The following NRG3 variants were observed in gnomAD, a reference collection of about 807,000 sequenced individuals.
The protein encoded by NRG3 is pro-neuregulin-3, membrane-bound isoform.
Under a neutral mutation model 66.9 loss-of-function variants are expected in NRG3, and 31 were observed. The ratio of observed to expected loss-of-function variants is 0.46; its 90% confidence interval spans 0.35 to 0.63. The LOEUF (loss-of-function observed/expected upper bound fraction) is 0.63, where lower values mean the gene tolerates loss of function less well. NRG3 is among the 20% of genes least tolerant of loss of function. NRG3 has a pLI of 0.00. For synonymous variants in NRG3, 393 were observed against 359.4 expected, an observed-to-expected ratio of 1.09 and a Z score of -1.06; for missense variants, 910 against 878.9, an observed-to-expected ratio of 1.04 and a Z score of -0.45.
intron 2 of NRG3, among the ~76,000 whole-genome samples, chr10:82,403,049 C>A (rs1283817397): frequency 6.6e-6 from 1 of 152,044 alleles, no homozygotes; most frequent in East Asian, 1.9e-4. Flanking sequence ...AGGATGAGGT[C>A]AAGAATGAGT....
rs1312204168 is a variant in NRG3 at position 82,895,788 on chromosome 10, A to G, written c.1054+30351A>G. Among the ~76,000 whole-genome samples, 7 of 152,174 alleles carry G rather than the reference A, an allele frequency of 4.6e-5. No individual in the cohort carries two copies. In the East Asian group the frequency reaches 1.4e-3, roughly 29 times the overall value. On this transcript the variant is annotated intron_variant, in intron 4 of 8. Coordinates refer to ENST00000372141, the MANE Select transcript of NRG3 (RefSeq NM_001010848.4). Reference sequence around the variant, plus strand: ...TTACAGACGTGAGCCACCGCGCCCTACCAATAACATTTTATTTCTCATTTT... The same window carrying G: ...TTACAGACGTGAGCCACCGCGCCCTGCCAATAACATTTTATTTCTCATTTT...
chr10:82,199,879 TGTGTGTGTGC>T (rs1395522757), intron 1 of NRG3, among the ~76,000 whole-genome samples: 7 of 113,758 alleles, frequency 6.2e-5, no homozygotes, highest in African/African-American at 2.4e-4. Context: ...TGTGCATGTG[TGTGTGTGTGC>T]GTGTGTGTGT....
At chr10:82,497,998 A>G (rs1307384930) in intron 2 of NRG3, among the ~76,000 whole-genome samples, 3 of 151,924 alleles carry the variant, frequency 2.0e-5, no homozygotes, top group South Asian at 4.1e-4. Flanking sequence ...GATGTTGCAC[A>G]TCTTTTCCTA....
intron 2 of NRG3, among the ~76,000 whole-genome samples, chr10:82,708,676 T>C (rs1198060465): frequency 2.0e-5 from 3 of 152,232 alleles, no homozygotes; most frequent in Non-Finnish European, 4.4e-5. Flanking sequence ...TTGTTTATGA[T>C]TCTTTTTCAT....
chr10:82,078,745 A>G (rs1487215345), intron 1 of NRG3, among the ~76,000 whole-genome samples: 1 of 152,222 alleles, frequency 6.6e-6, no homozygotes, highest in Non-Finnish European at 1.5e-5. Flanking sequence ...TATTTTTTAA[A>G]CTGCGATAGA....
chr10:82,766,803 A>G lies in NRG3; in HGVS notation c.1027+28153A>G, dbSNP rs150962472. ...CTGACTCCTTACTTATTAAATGAAG[A>G]TATTAGCATCCTTAGTCTTTTTTTT... On this transcript the variant is annotated intron_variant, in intron 3 of 8. Coordinates refer to ENST00000372141, the MANE Select transcript of NRG3 (RefSeq NM_001010848.4). Among the ~76,000 whole-genome samples, 1,284 of 151,962 alleles carry G rather than the reference A, an allele frequency of 8.4e-3. 13 individuals are homozygous for G. The highest frequency in any genetic ancestry group is 0.025 in the African/African-American group (1,053 of 41,498).
At chr10:82,157,873 C>G (rs2071297148) in intron 1 of NRG3, among the ~76,000 whole-genome samples, 1 of 151,668 alleles carries the variant, frequency 6.6e-6, no homozygotes, top group African/African-American at 2.4e-5. Context: ...TAGTATGTTT[C>G]AAGTGTTTTA....
intron 2 of NRG3, among the ~76,000 whole-genome samples, chr10:82,406,913 C>T (rs1473301098): frequency 6.6e-6 from 1 of 152,020 alleles, no homozygotes; most frequent in Non-Finnish European, 1.5e-5. Context: ...CATTTCCAGA[C>T]TTCCAGAAGA....
At chr10:82,417,640 C>A (rs1165858526) in intron 2 of NRG3, among the ~76,000 whole-genome samples, 2 of 152,124 alleles carry the variant, frequency 1.3e-5, no homozygotes, top group Admixed American at 1.3e-4. Context: ...TCCAATTTTA[C>A]AGAAGGGGAA....
rs931635494 is a variant in NRG3 at position 81,916,983 on chromosome 10, T to C, written c.823+40820T>C. ...GGACTAGGACCACATGGGTATTAAG[T>C]AGAGGGACCAAAACTTTGGCCCAGT... On this transcript the variant is annotated intron_variant, in intron 1 of 8. Coordinates refer to ENST00000372141, the MANE Select transcript of NRG3 (RefSeq NM_001010848.4). Among the ~76,000 whole-genome samples, 5 of 152,318 alleles carry C rather than the reference T, an allele frequency of 3.3e-5. No homozygotes were observed. In the East Asian group the frequency reaches 9.6e-4, roughly 29 times the overall value.
At chr10:82,589,812 G>A (rs1162678117) in intron 2 of NRG3, among the ~76,000 whole-genome samples, 1 of 152,048 alleles carries the variant, frequency 6.6e-6, no homozygotes, top group East Asian at 1.9e-4. Flanking sequence ...AGGGTAATTG[G>A]CAATTCCTGT....
At chr10:82,859,969 C>T (rs941524920) in intron 3 of NRG3, among the ~76,000 whole-genome samples, 3 of 151,992 alleles carry the variant, frequency 2.0e-5, no homozygotes, top group Non-Finnish European at 2.9e-5. Context: ...GTACCTAGTC[C>T]TAAAATCTTA....
chr10:82,116,142 C>CT (rs1261468860), intron 1 of NRG3, among the ~76,000 whole-genome samples: 1 of 152,062 alleles, frequency 6.6e-6, no homozygotes, highest in Non-Finnish European at 1.5e-5. Context: ...AGAAATGAAA[C>CT]AATAATGACT....
intron 4 of NRG3, among the ~76,000 whole-genome samples, chr10:82,939,761 G>A (rs1484003891): frequency 6.6e-6 from 1 of 151,874 alleles, no homozygotes; most frequent in African/African-American, 2.4e-5. Flanking sequence ...GAGCCACGGC[G>A]CCCCACCTTT....
intron 2 of NRG3, among the ~76,000 whole-genome samples, chr10:82,604,077 G>T (rs527317424): frequency 3.5e-4 from 54 of 152,182 alleles, no homozygotes; most frequent in Middle Eastern, 6.8e-3. Context: ...CATAGTTTAT[G>T]TTAAAGTTAA....
Position 82,959,023 on chromosome 10 carries a change from G to T in NRG3, c.1232G>T (p.Ser411Ile), listed in dbSNP as rs1338826966. ...AAAAGCTACAGTCTCAAAGCATCCAGCACAATGGCAAAGTCAGAGAACTTG... is the reference window on the plus strand; with the variant it reads ...AAAAGCTACAGTCTCAAAGCATCCATCACAATGGCAAAGTCAGAGAACTTG... The part of the protein sequence containing the change: ...NGKSYSLKAS[S>I]TMAKSENLVK... The change falls in exon 6 of 9, where the codon AGC (serine) becomes ATC (isoleucine). Residue 411 changes from serine (S) to isoleucine (I), a missense_variant. By Grantham distance (142) the Ser-to-Ile change is moderately radical (BLOSUM62 -2). Transcript: ENST00000372141. 2 of 1,607,848 alleles carry T rather than the reference G, an allele frequency of 1.2e-6. No homozygotes were observed. The highest frequency in any genetic ancestry group is 2.2e-5 in the South Asian group (2 of 89,856).
intron 2 of NRG3, among the ~76,000 whole-genome samples, chr10:82,634,212 G>A (rs1218301179): frequency 6.6e-6 from 1 of 152,076 alleles, no homozygotes; most frequent in African/African-American, 2.4e-5. Context: ...TTTTTTTGAG[G>A]GGAGGGAGCA....
intron 1 of NRG3, among the ~76,000 whole-genome samples, chr10:82,245,091 A>C (rs2077176028): frequency 6.6e-6 from 1 of 152,176 alleles, no homozygotes; most frequent in Non-Finnish European, 1.5e-5. Flanking sequence ...ATACAATGAA[A>C]TAATTATACA....
chr10:82,841,938 A>T (rs900986102), intron 3 of NRG3, among the ~76,000 whole-genome samples: 2 of 152,206 alleles, frequency 1.3e-5, no homozygotes, highest in Non-Finnish European at 2.9e-5. Flanking sequence ...TCTGGCCTCC[A>T]TATAGCCACA....
Sources: allele counts gnomAD v4.1 joint callset (sites outside exome capture counted in the v4.1 genomes callset), GRCh38; gene constraint gnomAD v4.1.1; transcripts MANE v1.5; gene names NCBI Gene and HGNC (gene_info 2026-07-23, HGNC 2026-07-21).